NEBL: variants seen among roughly 807,000 people sequenced by gnomAD.
NEBL encodes the protein LIM and SH3 protein 2.
In NEBL, 122 loss-of-function variants were observed where a neutral mutation model predicts 140.2. The observed-to-expected ratio is 0.87, with a 90% confidence interval of 0.75 to 1.01. The LOEUF (loss-of-function observed/expected upper bound fraction) is 1.01. Among genes scored for constraint, NEBL ranks in the 50% least tolerant of loss-of-function variants. The pLI, the probability that NEBL is intolerant of heterozygous loss-of-function variation, is 0.00. For missense variants in NEBL, 1,365 were observed against 1,231.3 expected (o/e 1.11, Z -1.62); for synonymous variants, 436 against 398.9 (o/e 1.09, Z -1.11).
chr10:21,278,143 G>A (rs1842947009), intron 1 of NEBL, among the ~76,000 whole-genome samples: 1 of 152,176 alleles, frequency 6.6e-6, no homozygotes, highest in South Asian at 2.1e-4. Flanking sequence ...AAGCATGCAT[G>A]CAAAGATCTG....
At chr10:20,907,028 TG>T (rs1848122033) in intron 4 of NEBL, among the ~76,000 whole-genome samples, 1 of 152,186 alleles carries the variant, frequency 6.6e-6, no homozygotes, top group Non-Finnish European at 1.5e-5. Flanking sequence ...ACATTTTAAG[TG>T]TTCAATGGTC....
intron 4 of NEBL, among the ~76,000 whole-genome samples, chr10:20,950,610 A>G (rs1442902275): frequency 6.6e-6 from 1 of 152,160 alleles, no homozygotes; most frequent in Non-Finnish European, 1.5e-5. Context: ...TCCAGACCCA[A>G]TGTTTCATGA....
chr10:20,862,593 A>G (rs1180197633), intron 7 of NEBL, among the ~76,000 whole-genome samples: 2 of 152,148 alleles, frequency 1.3e-5, no homozygotes, highest in African/African-American at 4.8e-5. Flanking sequence ...CTACCTCCTC[A>G]TGCAGGTTTG....
intron 2 of NEBL, among the ~76,000 whole-genome samples, chr10:21,132,535 T>C (rs1589266984): frequency 1.3e-5 from 2 of 152,314 alleles, no homozygotes; most frequent in African/African-American, 4.8e-5. Flanking sequence ...ATGGTAATTC[T>C]TTGTTTAAAT....
In NEBL at chr10:20,978,010, G is replaced by A. The variant is rs11012438; in HGVS notation, c.250-16231C>T. On this transcript the variant is annotated intron_variant, in intron 3 of 6. Coordinates refer to the NEBL transcript ENST00000417816. Reference sequence around the variant, plus strand: ...TTACATTGAAAATTAATCTTAAAATGTGGTATGAAACACACATCCTTTTAA... The same window carrying A: ...TTACATTGAAAATTAATCTTAAAATATGGTATGAAACACACATCCTTTTAA... 0.02 allele frequency among the ~76,000 whole-genome samples: 2,994 copies of A among 152,276 alleles called. 387 individuals are homozygous for A. The East Asian group carries it at 0.36, about 18-fold the overall frequency.
chr10:20,812,677 G>A, intron 24 of NEBL, 92 bp downstream of exon 24: 1 of 1,447,534 alleles, frequency 6.9e-7, no homozygotes. Flanking sequence ...CATGTGATGA[G>A]GAGTCAGATG....
intron 1 of NEBL, among the ~76,000 whole-genome samples, chr10:21,285,364 G>A (rs1399542776): frequency 3.0e-4 from 46 of 152,262 alleles, no homozygotes; most frequent in Admixed American, 3.0e-3. Flanking sequence ...ATGCATATCT[G>A]ATGGCCTCCC....
At chr10:20,880,657 C>A in intron 5 of NEBL, 137 bp downstream of exon 5, 1 of 729,248 alleles carries the variant, frequency 1.4e-6, no homozygotes. Context: ...TTCAGATGTA[C>A]CTCTGACTGA....
In NEBL at chr10:21,213,421, CG is replaced by C. The variant is rs143742649; in HGVS notation, n.348+34499del. 2.0e-3 allele frequency among the ~76,000 whole-genome samples: 299 copies of C among 152,230 alleles called. 2 individuals carry two copies. Among genetic ancestry groups the C allele is most frequent in the Middle Eastern group, 0.014 (4 of 294 alleles). The stretch of plus-strand genomic sequence containing the variant: ...AGGAAAACCGGAGAGGAGCGGAGGA[CG>C]GGGGAAGCTTCAGTCTAAAGAACAG... On this transcript the variant is annotated intron_variant and non_coding_transcript_variant, in intron 3 of 8. Coordinates refer to the NEBL transcript ENST00000675702.
intron 3 of NEBL, among the ~76,000 whole-genome samples, chr10:20,994,579 CATT>C (rs1837591593): frequency 1.3e-5 from 2 of 152,114 alleles, no homozygotes; most frequent in South Asian, 4.1e-4. Context: ...GCATTAAGGG[CATT>C]GACCCCCCCG....
intron 2 of NEBL, among the ~76,000 whole-genome samples, chr10:21,054,969 G>A (rs1028247734): frequency 8.5e-5 from 13 of 152,160 alleles, no homozygotes; most frequent in East Asian, 1.9e-4. Context: ...TTTTTAAAGC[G>A]TTCTTACTTC....
intron 2 of NEBL, among the ~76,000 whole-genome samples, chr10:21,044,700 T>G (rs1329672279): frequency 6.6e-6 from 1 of 152,210 alleles, no homozygotes; most frequent in Non-Finnish European, 1.5e-5. Context: ...TCAACATCTA[T>G]GTACCCTTTA....
intron 3 of NEBL, among the ~76,000 whole-genome samples, chr10:20,974,078 T>G (rs1836691156): frequency 6.6e-6 from 1 of 152,156 alleles, no homozygotes; most frequent in East Asian, 1.9e-4. Context: ...AAACTGAGGC[T>G]TAGTGGTTTA....
chr10:21,057,339 G>A (rs1835068181), intron 2 of NEBL, among the ~76,000 whole-genome samples: 1 of 151,734 alleles, frequency 6.6e-6, no homozygotes, highest in Non-Finnish European at 1.5e-5. Flanking sequence ...CAGCATCTCA[G>A]GTAAAACAAA....
upstream of NEBL, among the ~76,000 whole-genome samples, chr10:21,179,814 C>A (rs985683721): frequency 4.6e-5 from 7 of 151,496 alleles, no homozygotes; most frequent in African/African-American, 1.7e-4. Context: ...GACCACAAGA[C>A]AAGGAATGTG....
At chr10:21,205,982 G>A (rs930377730) in intron 3 of NEBL, among the ~76,000 whole-genome samples, 14 of 152,106 alleles carry the variant, frequency 9.2e-5, no homozygotes, top group African/African-American at 3.1e-4. Context: ...CAAAAATATC[G>A]TTAAGATTAT....
chr10:20,916,012 G>A (rs1482387756), intron 4 of NEBL, among the ~76,000 whole-genome samples: 4 of 152,208 alleles, frequency 2.6e-5, no homozygotes, highest in Non-Finnish European at 5.9e-5. Context: ...AGACATAACA[G>A]ACTGTCTTTC....
At chr10:21,139,884 C>T (rs1036057421) in intron 2 of NEBL, among the ~76,000 whole-genome samples, 1 of 151,774 alleles carries the variant, frequency 6.6e-6, no homozygotes, top group East Asian at 1.9e-4. Context: ...GCACTGGTGG[C>T]TCACGCCTGT....
intron 2 of NEBL, among the ~76,000 whole-genome samples, chr10:21,133,131 T>A (rs1839192934): frequency 6.6e-6 from 1 of 152,156 alleles, no homozygotes; most frequent in East Asian, 1.9e-4. Flanking sequence ...CCATTTTGAG[T>A]TAATTTTGTA....
Sources: gnomAD v4.1 joint callset for allele counts (sites outside exome capture counted in the v4.1 genomes callset) on GRCh38, gnomAD v4.1.1 for gene constraint, MANE v1.5 for transcripts, NCBI Gene and HGNC (gene_info 2026-07-23, HGNC 2026-07-21) for gene names.